The following TRIM66 variants were observed in gnomAD, a reference collection of about 807,000 sequenced individuals.
The protein encoded by TRIM66 is tripartite motif containing 66.
Under a neutral mutation model 148.2 loss-of-function variants are expected in TRIM66, and 99 were observed. The ratio of observed to expected loss-of-function variants is 0.67; its 90% CI spans 0.57 to 0.79. TRIM66 has a LOEUF of 0.79. Among genes scored for constraint, TRIM66 ranks in the 30% least tolerant of loss-of-function variants. The pLI, the probability that TRIM66 is intolerant of heterozygous loss-of-function variation, is 0.00. For missense variants in TRIM66, 1,666 were observed against 1,697.9 expected, an observed-to-expected ratio of 0.98 and a Z score of 0.33; for synonymous variants, 616 against 635.9, an observed-to-expected ratio of 0.97 and a Z score of 0.47.
In TRIM66 at chr11:8,617,882, G is replaced by C; in HGVS notation, c.*62C>G. 6.8e-7 allele frequency: 1 copy of C among 1,466,128 alleles called. No individual in the cohort carries two copies. The highest frequency in any genetic ancestry group is 9.4e-7 in the Non-Finnish European group (1 of 1,069,156). The allele number at this position is 1,466,128 out of a possible 1,614,324, so 90.8% of individuals were successfully genotyped here. ...CTCTGAAGAGGATAAGCTGCAAGATGGGGAGGAATGGTCGACAGTATGGGA... is the reference window on the plus strand; with the variant it reads ...CTCTGAAGAGGATAAGCTGCAAGATCGGGAGGAATGGTCGACAGTATGGGA... On this transcript the variant is annotated 3_prime_UTR_variant, in exon 25 of 25. Transcript: ENST00000646038.
chr11:8,667,829 G>T (rs1364740092), intron 6 of TRIM66, among the ~76,000 whole-genome samples: 1 of 152,162 alleles, frequency 6.6e-6, no homozygotes, highest in South Asian at 2.1e-4. Flanking sequence ...TAACACTTGG[G>T]TTACTTCCAC....
chr11:8,622,604 G>A (rs748273114), intron 18 of TRIM66, among the ~76,000 whole-genome samples: 8 of 146,772 alleles, frequency 5.5e-5, no homozygotes, highest in African/African-American at 9.8e-5. Flanking sequence ...GTGCAAGGGC[G>A]GCACCCAGAG....
At chr11:8,664,372 T>A (rs932602118) in intron 6 of TRIM66, among the ~76,000 whole-genome samples, 2 of 152,232 alleles carry the variant, frequency 1.3e-5, no homozygotes, top group Non-Finnish European at 2.9e-5. Flanking sequence ...TTTGGTATTC[T>A]AAGTGAGCGT....
chr11:8,625,121 G>C lies in TRIM66; in HGVS notation c.2418C>G (p.Asn806Lys). Residue 806 changes from asparagine (N) to lysine (K), a missense_variant, in exon 16 of 25, where the codon AAC becomes AAG. Transcript: ENST00000646038. ...CTGCCTGGGGGGCACCAGCTGTCAG[G>C]TTGCTCACACTCTGGATCTGTGGCT... is the stretch of plus-strand genomic sequence containing the variant. The part of the protein sequence containing the change: ...PLEPQIQSVS[N>K]LTAGAPQAVP... 1.3e-6 allele frequency: 2 copies of C among 1,551,656 alleles called. No individual in the cohort carries two copies. Among genetic ancestry groups the C allele is most frequent in the Non-Finnish European group, 1.7e-6 (2 of 1,146,958 alleles).
chr11:8,652,065 T>C (rs1672031202), intron 6 of TRIM66, among the ~76,000 whole-genome samples, 162 bp from the exon 7 acceptor site: 3 of 152,146 alleles, frequency 2.0e-5, no homozygotes, highest in Non-Finnish European at 4.4e-5. Context: ...AGTATGTGGG[T>C]ACCCTGAACA....
chr11:8,641,300 G>A (rs981019897), intron 13 of TRIM66, 148 bp from the exon 14 acceptor site: 97 of 728,360 alleles, frequency 1.3e-4, no homozygotes, highest in Non-Finnish European at 1.6e-4. Flanking sequence ...TCCTAGACTC[G>A]GTCTAGAATG....
chr11:8,621,264 C>A lies in TRIM66; in HGVS notation c.3313G>T (p.Val1105Phe), dbSNP rs1182531807. The A allele has an allele frequency of 6.4e-7, 1 of 1,551,702 alleles. No homozygotes were observed. The highest frequency in any genetic ancestry group is 2.4e-5 in the East Asian group (1 of 40,924). The stretch of plus-strand genomic sequence containing the variant: ...TGCCCAGCCAAAGAAGTGACAGTGA[C>A]CTTTCTTCCCTCCAGACCTGGGGCC... ...TQAPGLEGRKVTVTSLAGQRP... is the reference protein window; with the variant it reads ...TQAPGLEGRKFTVTSLAGQRP... The change falls in exon 20 of 25, where the codon GTC becomes TTC. Residue 1105 changes from valine (V) to phenylalanine (F), a missense_variant. Physicochemically the swap from Val to Phe is conservative, Grantham distance 50 (BLOSUM62 -1). Around this residue, in one of 3 missense-constraint regions of TRIM66, gnomAD observed 1,431 missense variants for 1,412.4 expected, o/e 1.01. Coordinates refer to ENST00000646038, the MANE Select transcript of TRIM66 (RefSeq NM_001388022.1).
rs764764835 is a variant in TRIM66 at position 8,619,483 on chromosome 11, C to T, written c.3800G>A (p.Arg1267Gln). 9.0e-6 allele frequency: 14 copies of T among 1,551,126 alleles called. No homozygotes were observed. The highest frequency in any genetic ancestry group is 4.1e-5 in the African/African-American group (3 of 72,996). Residue 1267 changes from arginine (R) to glutamine (Q), a missense_variant, in exon 23 of 25, where the codon CGG becomes CAG. Physicochemically the swap from Arg to Gln is conservative, Grantham distance 43. This residue lies in a region of TRIM66 where 204 missense variants were observed against 231.0 expected (regional missense o/e 0.88). Coordinates refer to ENST00000646038, the MANE Select transcript of TRIM66 (RefSeq NM_001388022.1). ...TGGGTCCTTCTTTTGCAGCTTCCTC[C>T]GGATGATTGACAGGTCCATGGGCCT... Reference protein sequence around the residue: ...IKRPMDLSIIRRKLQKKDPAH... With the variant: ...IKRPMDLSIIQRKLQKKDPAH...
chr11:8,682,411 C>T (rs1211472384), intron 1 of TRIM66, 190 bp downstream of exon 1: 2 of 240,322 alleles, frequency 8.3e-6, no homozygotes, highest in Non-Finnish European at 1.7e-5. Context: ...GTGCGCGGGG[C>T]GGCTCAGGGC....
rs775748751 is a variant in TRIM66, at chr11:8,620,056, G to A, written c.3741C>T (p.Ser1247=). ...ACAGCGTGGCCTTCCTTACCAGGGG[G>A]CTGACAGGTTCATGGAAGGGCAGGC... ...NLSLPFHEPV[S]PLARHYYQII... The change falls in exon 22 of 25, where the codon AGC becomes AGT. Residue 1247 remains serine, a synonymous_variant. Transcript: ENST00000646038. The A allele has an allele frequency of 3.2e-6, 5 of 1,551,656 alleles. No homozygotes were observed. Among genetic ancestry groups the A allele is most frequent in the Middle Eastern group, 1.7e-4 (1 of 5,988 alleles).
intron 15 of TRIM66, among the ~76,000 whole-genome samples, chr11:8,636,296 G>A (rs926341863): frequency 4.7e-5 from 7 of 150,070 alleles, no homozygotes; most frequent in African/African-American, 1.7e-4. Flanking sequence ...AAAAATCCCA[G>A]CCTCTCATCA....
Position 8,618,821 on chromosome 11 carries a change from T to G in TRIM66, c.4048A>C (p.Thr1350Pro). 1 of 1,550,676 alleles carries G rather than the reference T, an allele frequency of 6.4e-7. No homozygotes were observed. The highest frequency in any genetic ancestry group is 1.4e-5 in the African/African-American group (1 of 72,838). The change falls in exon 24 of 25, where the codon ACT becomes CCT. Residue 1350 changes from threonine to proline, a missense_variant. Coordinates refer to ENST00000646038, the MANE Select transcript of TRIM66 (RefSeq NM_001388022.1). ...EEVSSESGCS[T>P]PQGFPWPPYM... ...GGAGGCCACGGGAAGCCCTGGGGAG[T>G]GGAACATCCACTCTCACTAGACACC... is the stretch of plus-strand genomic sequence containing the variant.
Position 8,620,562 on chromosome 11 carries a change from C to T in TRIM66, c.3556G>A (p.Val1186Met), listed in dbSNP as rs530423960. ...ALLSFPGGEW[V>M]CTLCRSLTQP... ...GTCAGGCTGCGGCACAAGGTACACA[C>T]CCACTCTCCCCTGCAGGGGCAGGTG... Residue 1186 changes from valine to methionine, a missense_variant, in exon 21 of 25, where the codon GTG (valine) becomes ATG (methionine). Coordinates refer to ENST00000646038, the MANE Select transcript of TRIM66 (RefSeq NM_001388022.1). The T allele has an allele frequency of 1.2e-5, 18 of 1,551,740 alleles. No individual in the cohort carries two copies. The South Asian group carries it at 1.7e-4, about 14-fold the overall frequency.
intron 1 of TRIM66, among the ~76,000 whole-genome samples, chr11:8,681,163 T>G (rs1400389342): frequency 1.3e-5 from 2 of 150,672 alleles, no homozygotes; most frequent in African/African-American, 2.4e-5. Flanking sequence ...AGACGGAGTC[T>G]CGTTCTGTCG....
intron 6 of TRIM66, chr11:8,658,759 G>A (rs1490588951): frequency 2.0e-6 from 2 of 985,216 alleles, no homozygotes; most frequent in Non-Finnish European, 1.2e-6. Flanking sequence ...AAAAACAGCA[G>A]GAGCCCAAGA....
intron 17 of TRIM66, among the ~76,000 whole-genome samples, 158 bp downstream of exon 17, chr11:8,624,201 A>C (rs2034582062): frequency 6.6e-6 from 1 of 152,218 alleles, no homozygotes; most frequent in Non-Finnish European, 1.5e-5. Context: ...AACAGGTGTC[A>C]CTAAGACAGT....
upstream of TRIM66, chr11:8,682,968 G>T: frequency 9.1e-7 from 1 of 1,098,786 alleles, no homozygotes; most frequent in South Asian, 1.5e-5. Context: ...GCGGGCCCGG[G>T]GCGGGGCTCC....
chr11:8,646,318 C>G, intron 11 of TRIM66, 129 bp downstream of exon 11: 2 of 739,780 alleles, frequency 2.7e-6, no homozygotes, highest in Non-Finnish European at 4.5e-6. Flanking sequence ...TTTTAAAATA[C>G]AGGGAGCAGC....
chr11:8,646,014 C>G, intron 11 of TRIM66, 127 bp from the exon 12 acceptor site: 1 of 908,386 alleles, frequency 1.1e-6, no homozygotes, highest in Non-Finnish European at 1.6e-6. Context: ...GAGAGGACAG[C>G]AGGGCAGAGT....
Sources: gnomAD v4.1 joint callset for allele counts (sites outside exome capture counted in the v4.1 genomes callset) on GRCh38, gnomAD v4.1.1 for gene constraint, gnomAD v4.1.1 regional missense constraint, MANE v1.5 for transcripts, NCBI Gene and HGNC (gene_info 2026-07-23, HGNC 2026-07-21) for gene names.